IL18RAP: variants seen among roughly 807,000 people sequenced by gnomAD.
IL18RAP encodes interleukin-18 receptor accessory protein.
A neutral mutation model predicts 58.1 loss-of-function variants in IL18RAP; 37 were observed. That is an observed-to-expected ratio of 0.64 (90% CI 0.49 to 0.84). The LOEUF is 0.84. Ranked by LOEUF, IL18RAP falls within the 40% of genes least tolerant of loss-of-function variation. The probability of loss-of-function intolerance (pLI) is 0.00; values close to 1 mark genes in which losing one functional copy is unlikely to be tolerated. For synonymous variants in IL18RAP, 268 were observed against 257.5 expected (o/e 1.04, Z -0.39); for missense variants, 667 against 704.8 (o/e 0.95, Z 0.61).
At chr2:102,422,633 A>G (rs1681646156), upstream of IL18RAP, among the ~76,000 whole-genome samples, 1 of 152,184 alleles carries the variant, frequency 6.6e-6, no homozygotes, top group Non-Finnish European at 1.5e-5. Context: ...GATTCTCTGG[A>G]GGGGACCTGC....
intron 1 of IL18RAP, 90 bp downstream of exon 1, chr2:102,423,437 T>C (rs1681706936): frequency 9.1e-7 from 1 of 1,097,650 alleles, no homozygotes; most frequent in Non-Finnish European, 1.4e-6. Flanking sequence ...GTGTGATATA[T>C]TAATACAAAC....
At chr2:102,450,820 T>C (rs113932423) in intron 8 of IL18RAP, 28 bp from the exon 9 acceptor site, 2 of 1,479,704 alleles carry the variant, frequency 1.4e-6, no homozygotes, top group Non-Finnish European at 1.8e-6. Flanking sequence ...AAATGACTTA[T>C]GTTTTTATAA....
At chr2:102,447,033 G>C in intron 7 of IL18RAP, 37 bp from the exon 8 acceptor site, 1 of 1,605,050 alleles carries the variant, frequency 6.2e-7, no homozygotes, top group Non-Finnish European at 8.5e-7. Flanking sequence ...CAATCCCGCT[G>C]CCTCTATGTC....
rs148917849 is a variant in IL18RAP, at chr2:102,443,317, C to T, written c.914C>T (p.Ala305Val). 1.6e-4 allele frequency: 256 copies of T among 1,610,940 alleles called. No homozygotes were observed. Among genetic ancestry groups the T allele is most frequent in the South Asian group, 4.4e-5 (4 of 90,786 alleles). The change falls in exon 6 of 10, where the codon GCG becomes GTG. Residue 305 changes from alanine (A) to valine (V), a missense_variant. Physicochemically the swap from Ala to Val is moderately conservative, Grantham distance 64. Coordinates refer to ENST00000687160, the MANE Select transcript of IL18RAP (RefSeq NM_001393487.1). ...DLEWEVSVPE[A>V]KSIKSTLKDE... Reference sequence around the variant, plus strand: ...GAGTGGGAAGTCTCAGTACCTGAGGCGAAAAGGTAAGAAAAAAACTCACGG... The same window carrying T: ...GAGTGGGAAGTCTCAGTACCTGAGGTGAAAAGGTAAGAAAAAAACTCACGG...
chr2:102,447,219 T>C lies in IL18RAP; in HGVS notation c.1210+12T>C. The C allele has an allele frequency of 6.2e-7, 1 of 1,611,774 alleles. No individual in the cohort carries two copies. The highest frequency in any genetic ancestry group is 1.7e-4 in the Middle Eastern group (1 of 6,044). On this transcript the variant is annotated intron_variant, in intron 8 of 9. Coordinates refer to ENST00000687160, the MANE Select transcript of IL18RAP (RefSeq NM_001393487.1). ...TCAGACGCTTGGGGGTAAGTTTACCTCCACATGCAGCCCTCTGACTTTTCC... is the reference window on the plus strand; with the variant it reads ...TCAGACGCTTGGGGGTAAGTTTACCCCCACATGCAGCCCTCTGACTTTTCC...
chr2:102,423,384 C>T (rs1432111816), intron 1 of IL18RAP, 37 bp downstream of exon 1: 4 of 1,549,442 alleles, frequency 2.6e-6, no homozygotes, highest in Non-Finnish European at 2.7e-6. Flanking sequence ...CACTGTGAGT[C>T]TGTGGTCAAG....
rs758539640 is a variant in IL18RAP, at chr2:102,452,113, A to T, written c.1732A>T (p.Ile578Phe). 7.7e-5 allele frequency: 124 copies of T among 1,613,880 alleles called. No individual in the cohort carries two copies. The East Asian group carries it at 2.8e-3, about 36-fold the overall frequency. ...GAACCAGCTCAGAATTACCTCTAGG[A>T]TTTTTCAGTGGAAAGGACTCAGTAG... is the stretch of plus-strand genomic sequence containing the variant. The part of the protein sequence containing the change: ...TWNQLRITSR[I>F]FQWKGLSRTE... Residue 578 changes from isoleucine to phenylalanine, a missense_variant, in exon 10 of 10, where the codon ATT (isoleucine) becomes TTT (phenylalanine). Coordinates refer to ENST00000687160, the MANE Select transcript of IL18RAP (RefSeq NM_001393487.1).
chr2:102,437,219 A>G lies in IL18RAP; in HGVS notation c.587A>G (p.Lys196Arg). 1 of 1,608,380 alleles carries G rather than the reference A, an allele frequency of 6.2e-7. No individual in the cohort carries two copies. Residue 196 changes from lysine (K) to arginine (R), a missense_variant, in exon 4 of 10, where the codon AAA (lysine) becomes AGA (arginine). Lys to Arg is a conservative substitution (Grantham distance 26). Transcript: ENST00000687160. The part of the protein sequence containing the change: ...SPAVTWYKNG[K>R]LLSVERSNRI... Reference sequence around the variant, plus strand: ...AAATATCTTTTGGATTAGAATGGAAAACTCCTCTCTGTGGAAAGGAGCAAC... The same window carrying G: ...AAATATCTTTTGGATTAGAATGGAAGACTCCTCTCTGTGGAAAGGAGCAAC...
rs139208530 is a variant in IL18RAP, at chr2:102,451,062, G to A, written c.1384+41G>A. 47 of 1,462,754 alleles carry A rather than the reference G, an allele frequency of 3.2e-5. No individual in the cohort carries two copies. In the African/African-American group the frequency reaches 5.5e-4, roughly 17 times the overall value. 90.6% of individuals were successfully genotyped at this position (1,462,754 alleles called of 1,614,324 possible). A position where few individuals can be genotyped will look rare whatever the true frequency, so the allele number is the denominator to read the frequency against. ...CAAGAAAAACTGCAGTGCAAAAAGG[G>A]CAGTTCAATGCAATCCCCAAGTCTT... On this transcript the variant is annotated intron_variant, in intron 9 of 9. Transcript: ENST00000687160.
intron 3 of IL18RAP, among the ~76,000 whole-genome samples, chr2:102,425,560 T>G (rs1681886917): frequency 6.6e-6 from 1 of 152,128 alleles, no homozygotes; most frequent in Non-Finnish European, 1.5e-5. Flanking sequence ...TTCATAACCT[T>G]TAAAATGAGG....
intron 3 of IL18RAP, among the ~76,000 whole-genome samples, chr2:102,430,756 A>G (rs1219056101): frequency 6.6e-6 from 1 of 152,126 alleles, no homozygotes; most frequent in Admixed American, 6.5e-5. Flanking sequence ...AGGCTTCCAT[A>G]AAACACTTCA....
At chr2:102,428,875 C>A (rs1026751054) in intron 3 of IL18RAP, among the ~76,000 whole-genome samples, 4 of 151,784 alleles carry the variant, frequency 2.6e-5, no homozygotes, top group African/African-American at 9.7e-5. Flanking sequence ...GGTACAGTCC[C>A]TCTATACTTA....
chr2:102,446,686 A>T (rs1215493162), intron 7 of IL18RAP, among the ~76,000 whole-genome samples: 1 of 151,732 alleles, frequency 6.6e-6, no homozygotes, highest in Non-Finnish European at 1.5e-5. Context: ...CTGTAGTCCC[A>T]GTTACTTGGG....
At chr2:102,449,566 G>A (rs1381284327) in intron 8 of IL18RAP, among the ~76,000 whole-genome samples, 1 of 152,140 alleles carries the variant, frequency 6.6e-6, no homozygotes, top group Non-Finnish European at 1.5e-5. Context: ...GCACGGGGAT[G>A]CAGTGCCCTC....
chr2:102,445,482 A>T (rs898135070), intron 7 of IL18RAP, 142 bp downstream of exon 7: 2 of 841,510 alleles, frequency 2.4e-6, no homozygotes, highest in Non-Finnish European at 3.7e-6. Context: ...CCTGGTGTCA[A>T]CCCATTTAAT....
intron 8 of IL18RAP, among the ~76,000 whole-genome samples, chr2:102,449,796 G>A (rs1573306567): frequency 6.6e-6 from 1 of 152,166 alleles, no homozygotes; most frequent in African/African-American, 2.4e-5. Flanking sequence ...AGAGGCAACT[G>A]TGGTGTGTTA....
chr2:102,436,549 G>C (rs1204575577), intron 3 of IL18RAP, among the ~76,000 whole-genome samples: 1 of 152,000 alleles, frequency 6.6e-6, no homozygotes, highest in African/African-American at 2.4e-5. Context: ...GATGTGGCGT[G>C]GGGGAATCCC....
chr2:102,448,822 G>A (rs947200404), intron 8 of IL18RAP, among the ~76,000 whole-genome samples: 3 of 152,010 alleles, frequency 2.0e-5, no homozygotes, highest in Admixed American at 6.6e-5. Flanking sequence ...TTAGCTGGGC[G>A]TGGTGGTACC....
At chr2:102,437,938 T>G (rs1203411626) in intron 4 of IL18RAP, among the ~76,000 whole-genome samples, 2 of 152,256 alleles carry the variant, frequency 1.3e-5, no homozygotes, top group East Asian at 3.8e-4. Flanking sequence ...TGGTATTTTA[T>G]TAAATTATTG....
Sources: allele counts gnomAD v4.1 joint callset (sites outside exome capture counted in the v4.1 genomes callset), GRCh38; gene constraint gnomAD v4.1.1; transcripts MANE v1.5; gene names NCBI Gene and HGNC (gene_info 2026-07-23, HGNC 2026-07-21).